SLIRP: variants seen among roughly 807,000 people sequenced by gnomAD.
SLIRP encodes SRA stem-loop interacting RNA binding protein.
SLIRP carries 12 observed loss-of-function variants against 13.4 expected under a neutral mutation model. The observed-to-expected ratio is 0.89, with a 90% CI of 0.57 to 1.45. The LOEUF is 1.45. Ranked by LOEUF, SLIRP falls within the 40% of genes most tolerant of loss-of-function variation. The pLI is 0.00. For missense variants in SLIRP, 154 were observed against 132.2 expected, an observed-to-expected ratio of 1.17 and a Z score of -0.81; for synonymous variants, 55 against 47.1, an observed-to-expected ratio of 1.17 and a Z score of -0.69.
chr14:77,713,580 AT>A (rs1451237968), intron 2 of SLIRP, among the ~76,000 whole-genome samples: 1 of 152,230 alleles, frequency 6.6e-6, no homozygotes, highest in African/African-American at 2.4e-5. Flanking sequence ...TTAAGAATTT[AT>A]ATTTGCTTTG....
chr14:77,708,180 GAGA>G lies in SLIRP; in HGVS notation c.74_76del (p.Arg25del), dbSNP rs752447326. The G allele has an allele frequency of 3.1e-6, 5 of 1,614,082 alleles. No homozygotes were observed. Among genetic ancestry groups the G allele is most frequent in the South Asian group, 2.2e-5 (2 of 91,078 alleles). On this transcript the variant is annotated inframe_deletion, in exon 1 of 4. Transcript: ENST00000557342. ...GTATCAATCAGCCGGTTGCTTTTGT[GAGA>G]AGAATTCCTTGGACTGCGGCGTCGA... is the stretch of plus-strand genomic sequence containing the variant.
chr14:77,711,536 C>T (rs1011963628), intron 2 of SLIRP, among the ~76,000 whole-genome samples: 3 of 151,662 alleles, frequency 2.0e-5, no homozygotes, highest in Non-Finnish European at 4.4e-5. Flanking sequence ...GCCATACTGT[C>T]CAGACTGGAA....
chr14:77,713,081 C>T (rs11622411), intron 2 of SLIRP, among the ~76,000 whole-genome samples: 25,392 of 152,048 alleles, frequency 0.17, 2,443 homozygotes, highest in Non-Finnish European at 0.22. Flanking sequence ...GATCATGGGG[C>T]CCATCTTAGA....
In SLIRP at chr14:77,708,179, T is replaced by G; in HGVS notation, c.68T>G (p.Val23Gly). The stretch of plus-strand genomic sequence containing the variant: ...AGTATCAATCAGCCGGTTGCTTTTG[T>G]GAGAAGAATTCCTTGGACTGCGGCG... The part of the protein sequence containing the change: ...RRSINQPVAF[V>G]RRIPWTAASS... Residue 23 changes from valine (V) to glycine (G), a missense_variant, in exon 1 of 4, where the codon GTG becomes GGG. Physicochemically the swap from Val to Gly is moderately radical, Grantham distance 109 (BLOSUM62 -3). Coordinates refer to ENST00000557342, the MANE Select transcript of SLIRP (RefSeq NM_031210.6). 1 of 1,614,170 alleles carries G rather than the reference T, an allele frequency of 6.2e-7. No individual in the cohort carries two copies. Among genetic ancestry groups the G allele is most frequent in the Non-Finnish European group, 8.5e-7 (1 of 1,180,044 alleles).
In SLIRP at chr14:77,713,526, A is replaced by G. The variant is rs76143558; in HGVS notation, c.157-2246A>G. 2.9e-4 allele frequency among the ~76,000 whole-genome samples: 44 copies of G among 152,322 alleles called. No homozygotes were observed. In the East Asian group the frequency reaches 7.7e-3, roughly 27 times the overall value. On this transcript the variant is annotated intron_variant, in intron 2 of 3. Transcript: ENST00000557342. ...GGCACTCAAGTTGTTGAGAAGTTCA[A>G]CTGGTACCTTCAGTTCTGTTGTGTA...
chr14:77,716,642 C>CAAAAAAAAAA (rs56736320), intron 3 of SLIRP, among the ~76,000 whole-genome samples: 1 of 80,972 alleles, frequency 1.2e-5, no homozygotes, highest in Non-Finnish European at 2.3e-5. Context: ...AACTCCATCT[C>CAAAAAAAAAA]AAAAAAAAAA....
At chr14:77,712,440 ATTT>A (rs55773743) in intron 2 of SLIRP, among the ~76,000 whole-genome samples, 64,990 of 86,698 alleles carry the variant, frequency 0.75, 24,741 homozygotes, top group Middle Eastern at 0.82. Context: ...CGACCGGCTA[ATTT>A]TTTTTTTTTT....
chr14:77,711,712 C>CT (rs2080441888), intron 2 of SLIRP: 4 of 152,340 alleles, frequency 2.6e-5, no homozygotes, highest in Admixed American at 2.6e-4. Context: ...TGCACCACCA[C>CT]ACCTGGGTAA....
intron 2 of SLIRP, among the ~76,000 whole-genome samples, chr14:77,714,459 C>G (rs1202087101): frequency 1.3e-5 from 2 of 152,228 alleles, no homozygotes; most frequent in Admixed American, 6.5e-5. Flanking sequence ...GGCCACCACA[C>G]CCAGCTAATT....
rs372736787 is a variant in SLIRP at position 77,710,990 on chromosome 14, T to C, written c.156+94T>C. On this transcript the variant is annotated intron_variant, in intron 2 of 3. Coordinates refer to ENST00000557342, the MANE Select transcript of SLIRP (RefSeq NM_031210.6). ...AGACCTATTTGATAGTACAACAGGG[T>C]GACTATGGTCAATAATAATTGTACA... 118 of 1,012,568 alleles carry C rather than the reference T, an allele frequency of 1.2e-4. No individual in the cohort carries two copies. The African/African-American group carries it at 1.6e-3, about 13-fold the overall frequency. 62.7% of individuals were successfully genotyped at this position (1,012,568 alleles called of 1,614,324 possible).
At chr14:77,716,045 G>C (rs576722766) in intron 3 of SLIRP, 166 bp downstream of exon 3, 4 of 592,720 alleles carry the variant, frequency 6.7e-6, no homozygotes, top group East Asian at 3.3e-5. Flanking sequence ...GGCTGGGCAC[G>C]GTGGCTCACG....
chr14:77,717,507 C>T lies in SLIRP; in HGVS notation c.276C>T (p.His92=), dbSNP rs1393983084. The change falls in exon 4 of 4, where the codon CAC becomes CAT. Residue 92 remains histidine, a synonymous_variant. Coordinates refer to ENST00000557342, the MANE Select transcript of SLIRP (RefSeq NM_031210.6). ...CTTATTTTTTTAAGGTCCAGGTTCA[C>T]ACTAGAAGGCCAAAACTTCCGCAAA... ...HIIDGVKVQV[H]TRRPKLPQTS... 1 of 1,613,950 alleles carries T rather than the reference C, an allele frequency of 6.2e-7. No homozygotes were observed. Among genetic ancestry groups the T allele is most frequent in the Non-Finnish European group, 8.5e-7 (1 of 1,179,996 alleles).
intron 2 of SLIRP, among the ~76,000 whole-genome samples, chr14:77,713,728 C>T (rs1330667550): frequency 1.3e-5 from 2 of 152,132 alleles, no homozygotes; most frequent in Non-Finnish European, 2.9e-5. Flanking sequence ...TATTAAGTCA[C>T]TGATGCAATG....
At chr14:77,711,029 CAG>C (rs1285813185) in intron 2 of SLIRP, 133 bp downstream of exon 2, 5 of 787,024 alleles carry the variant, frequency 6.4e-6, no homozygotes, top group South Asian at 1.7e-5. Context: ...TAAAATAACT[CAG>C]AGTGTAATTG....
chr14:77,716,258 A>C (rs1039853157), intron 3 of SLIRP: 1 of 162,034 alleles, frequency 6.2e-6, no homozygotes, highest in Non-Finnish European at 1.3e-5. Context: ...TGGAGCCTGC[A>C]GTGAGCCGAG....
At chr14:77,708,634 A>G (rs1338471912) in intron 1 of SLIRP, among the ~76,000 whole-genome samples, 3 of 152,220 alleles carry the variant, frequency 2.0e-5, no homozygotes, top group African/African-American at 7.2e-5. Flanking sequence ...TTAATGTTTT[A>G]AAAGCAAATT....
At chr14:77,710,795 C>A in intron 1 of SLIRP, 43 bp from the exon 2 acceptor site, 1 of 1,612,264 alleles carries the variant, frequency 6.2e-7, no homozygotes, top group East Asian at 2.2e-5. Context: ...ATAGAGAATC[C>A]AAAATATAGT....
Position 77,708,320 on chromosome 14 carries a change from T to C in SLIRP, c.97+112T>C, listed in dbSNP as rs368291977. 5 of 1,061,768 alleles carry C rather than the reference T, an allele frequency of 4.7e-6. No homozygotes were observed. The African/African-American group carries it at 6.3e-5, about 13-fold the overall frequency. The allele number at this position is 1,061,768 out of a possible 1,614,324, so 65.8% of individuals were successfully genotyped here. A position where few individuals can be genotyped will look rare whatever the true frequency, so the allele number is the denominator to read the frequency against. ...CGTGGTGGCTGAATTAGGAGACTGC[T>C]CCTGAGCATGCAAGTGAGCAGAAAG... On this transcript the variant is annotated intron_variant, in intron 1 of 3. Transcript: ENST00000557342.
chr14:77,712,906 A>G (rs1318037680), intron 2 of SLIRP, among the ~76,000 whole-genome samples: 2 of 152,210 alleles, frequency 1.3e-5, no homozygotes. Context: ...AAAGCCAGCA[A>G]GGGCTTCTCC....
Sources: allele counts gnomAD v4.1 joint callset (sites outside exome capture counted in the v4.1 genomes callset), GRCh38; gene constraint gnomAD v4.1.1; transcripts MANE v1.5; gene names NCBI Gene and HGNC (gene_info 2026-07-23, HGNC 2026-07-21).